RNGTT: variants seen among roughly 807,000 people sequenced by gnomAD.
RNGTT encodes the protein RNA guanylyltransferase and 5'-phosphatase.
In RNGTT, 33 loss-of-function variants were observed where a neutral mutation model predicts 79.3. The observed-to-expected ratio is 0.42, with a 90% confidence interval of 0.32 to 0.56. The LOEUF (loss-of-function observed/expected upper bound fraction) is 0.56, where lower values mean the gene tolerates loss of function less well. Ranked by LOEUF, RNGTT falls within the 20% of genes least tolerant of loss-of-function variation. The probability of loss-of-function intolerance (pLI) is 0.17; values close to 1 mark genes in which losing one functional copy is unlikely to be tolerated. For missense variants in RNGTT, 497 were observed against 739.1 expected (o/e 0.67, Z 3.80); for synonymous variants, 222 against 235.9 (o/e 0.94, Z 0.54).
At chr6:88,751,966 A>G (rs1252453715) in intron 13 of RNGTT, among the ~76,000 whole-genome samples, 2 of 152,072 alleles carry the variant, frequency 1.3e-5, no homozygotes, top group East Asian at 1.9e-4. Context: ...GTTTGCTAAG[A>G]TAGTTTTCTG....
At chr6:88,620,286 C>T (rs1352784320) in intron 14 of RNGTT, among the ~76,000 whole-genome samples, 2 of 152,190 alleles carry the variant, frequency 1.3e-5, no homozygotes, top group East Asian at 3.8e-4. Context: ...ACCTTATTTA[C>T]TTATCCCAAG....
At chr6:88,745,928 C>T (rs1777645288) in intron 13 of RNGTT, among the ~76,000 whole-genome samples, 2 of 152,172 alleles carry the variant, frequency 1.3e-5, no homozygotes, top group Admixed American at 6.5e-5. Flanking sequence ...TCTTGCCCTG[C>T]TTTGTGATAC....
chr6:88,840,009 A>T (rs1480560658), intron 11 of RNGTT, among the ~76,000 whole-genome samples: 1 of 152,216 alleles, frequency 6.6e-6, no homozygotes, highest in Admixed American at 6.5e-5. Flanking sequence ...AAAGATACAC[A>T]TATGAAATTC....
At chr6:88,865,262 C>T (rs1782130932) in intron 8 of RNGTT, among the ~76,000 whole-genome samples, 1 of 151,928 alleles carries the variant, frequency 6.6e-6, no homozygotes, top group Non-Finnish European at 1.5e-5. Flanking sequence ...ATCATTAGTA[C>T]TACGACTACC....
chr6:88,717,965 G>A (rs967442252), intron 13 of RNGTT, among the ~76,000 whole-genome samples: 1 of 152,116 alleles, frequency 6.6e-6, no homozygotes, highest in Admixed American at 6.6e-5. Flanking sequence ...ACCAAGAGGA[G>A]ACCATTCAAC....
intron 14 of RNGTT, among the ~76,000 whole-genome samples, chr6:88,675,692 C>A (rs1774845442): frequency 3.8e-5 from 5 of 132,306 alleles, no homozygotes; most frequent in Middle Eastern, 4.1e-3. Context: ...AGTTTAAAGC[C>A]AATACATGAA....
intron 12 of RNGTT, among the ~76,000 whole-genome samples, chr6:88,771,299 A>ATG (rs1357112734): frequency 1.4e-5 from 1 of 70,724 alleles, no homozygotes; most frequent in Non-Finnish European, 2.9e-5. Flanking sequence ...GACTGTATGT[A>ATG]TGTATGTGTG....
chr6:88,682,616 G>A (rs1260116737), intron 13 of RNGTT, among the ~76,000 whole-genome samples: 2 of 151,820 alleles, frequency 1.3e-5, no homozygotes, highest in Middle Eastern at 3.2e-3. Flanking sequence ...TTAAGTTCCG[G>A]GGTACGTGTG....
At chr6:88,837,547 T>A (rs1199237434) in intron 11 of RNGTT, among the ~76,000 whole-genome samples, 1 of 151,748 alleles carries the variant, frequency 6.6e-6, no homozygotes, top group Non-Finnish European at 1.5e-5. Context: ...TTTATAAACA[T>A]CAATGCAAAA....
chr6:88,790,146 C>T (rs1380106932), intron 12 of RNGTT, among the ~76,000 whole-genome samples: 1 of 152,160 alleles, frequency 6.6e-6, no homozygotes, highest in Non-Finnish European at 1.5e-5. Flanking sequence ...GAAGTTAACA[C>T]AGCATACAGC....
intron 8 of RNGTT, among the ~76,000 whole-genome samples, chr6:88,857,779 T>C (rs1441523034): frequency 6.6e-6 from 1 of 152,136 alleles, no homozygotes; most frequent in Middle Eastern, 3.2e-3. Context: ...GTAAAGCCTA[T>C]ACCAAAATAG....
intron 12 of RNGTT, among the ~76,000 whole-genome samples, chr6:88,776,930 C>T (rs1778907975): frequency 6.6e-6 from 1 of 152,128 alleles, no homozygotes; most frequent in Admixed American, 6.5e-5. Context: ...ATTGCCAAGA[C>T]CAACATCAAG....
chr6:88,768,139 A>AGTGTATGTGT, intron 13 of RNGTT, among the ~76,000 whole-genome samples: 1 of 148,902 alleles, frequency 6.7e-6, no homozygotes, highest in Non-Finnish European at 1.5e-5. Context: ...ATTTAGGGAT[A>AGTGTATGTGT]GTGTGTGTGT....
chr6:88,682,899 A>C (rs1156301763), intron 13 of RNGTT, among the ~76,000 whole-genome samples: 1 of 152,232 alleles, frequency 6.6e-6, no homozygotes, highest in Non-Finnish European at 1.5e-5. Flanking sequence ...CATAGATCAG[A>C]GGTAAAATCA....
chr6:88,928,934 C>A, intron 4 of RNGTT, 51 bp downstream of exon 4: 2 of 1,376,700 alleles, frequency 1.5e-6, no homozygotes, highest in South Asian at 1.3e-5. Flanking sequence ...AAAACAGAAA[C>A]CTAACTGCAA....
chr6:88,847,170 T>A (rs1251489266), intron 10 of RNGTT, among the ~76,000 whole-genome samples: 3 of 151,362 alleles, frequency 2.0e-5, no homozygotes, highest in South Asian at 2.1e-4. Context: ...AAATATTAAA[T>A]TTTTTTTTAA....
At chr6:88,741,903 C>A (rs571866587) in intron 13 of RNGTT, among the ~76,000 whole-genome samples, 2 of 152,112 alleles carry the variant, frequency 1.3e-5, no homozygotes, top group Non-Finnish European at 2.9e-5. Context: ...ACTGGTAGGA[C>A]GACCTGATCT....
intron 12 of RNGTT, among the ~76,000 whole-genome samples, chr6:88,786,798 C>G (rs1779242800): frequency 6.6e-6 from 1 of 152,106 alleles, no homozygotes; most frequent in South Asian, 2.1e-4. Flanking sequence ...GTTTGTGTCC[C>G]TTCCAAAACT....
intron 14 of RNGTT, among the ~76,000 whole-genome samples, chr6:88,624,452 A>T (rs1426607286): frequency 6.6e-6 from 1 of 151,946 alleles, no homozygotes; most frequent in Non-Finnish European, 1.5e-5. Flanking sequence ...TTGATATTTG[A>T]CCAAGGCACA....
Sources: allele counts gnomAD v4.1 joint callset (sites outside exome capture counted in the v4.1 genomes callset), GRCh38; gene constraint gnomAD v4.1.1; transcripts MANE v1.5; gene names NCBI Gene and HGNC (gene_info 2026-07-23, HGNC 2026-07-21).